The following MICAL2 variants were observed in gnomAD, a reference collection of about 807,000 sequenced individuals.
MICAL2 encodes [F-actin]-monooxygenase MICAL2.
MICAL2 carries 77 observed loss-of-function variants against 127.3 expected under a neutral mutation model. That is an observed-to-expected ratio of 0.60 (90% CI 0.50 to 0.73). MICAL2 has a LOEUF of 0.73. MICAL2 is among the 30% of genes least tolerant of loss of function. MICAL2 has a pLI of 0.00. For missense variants in MICAL2, 1,351 were observed against 1,434.4 expected (o/e 0.94, Z 0.94); for synonymous variants, 570 against 551.1 (o/e 1.03, Z -0.48).
rs116597315 is a variant in MICAL2, at chr11:12,203,388, A to G, written c.265-862A>G. Among the ~76,000 whole-genome samples, 421 of 152,328 alleles carry G rather than the reference A, an allele frequency of 2.8e-3. 3 individuals carry two copies. The highest frequency in any genetic ancestry group is 9.9e-3 in the African/African-American group (410 of 41,572). On this transcript the variant is annotated intron_variant, in intron 3 of 27. Coordinates refer to ENST00000683283, the MANE Select transcript of MICAL2 (RefSeq NM_001282663.2). ...CAATTTATTTTCCCACCAGCAATGT[A>G]TGAGGGTTTCAATTTTTCCATATCC...
chr11:12,255,396 A>G, intron 22 of MICAL2: 1 of 499,632 alleles, frequency 2.0e-6, no homozygotes, highest in Non-Finnish European at 3.6e-6. Flanking sequence ...TACTCTAGGT[A>G]CCACATATAA....
At chr11:12,173,347 G>C (rs1362461432) in intron 3 of MICAL2, among the ~76,000 whole-genome samples, 1 of 152,216 alleles carries the variant, frequency 6.6e-6, no homozygotes, top group African/African-American at 2.4e-5. Context: ...TATATAGGGG[G>C]AGATGTTTTT....
chr11:12,262,535 A>G lies in MICAL2; in HGVS notation c.*15A>G. 1 of 1,611,968 alleles carries G rather than the reference A, an allele frequency of 6.2e-7. No homozygotes were observed. The highest frequency in any genetic ancestry group is 1.1e-5 in the South Asian group (1 of 91,054). ...TTCTTGGCTGACACACTTCTGCTCTAAGGTGACTGGTTTTCTTGCCAATTT... is the reference window on the plus strand; with the variant it reads ...TTCTTGGCTGACACACTTCTGCTCTGAGGTGACTGGTTTTCTTGCCAATTT... On this transcript the variant is annotated splice_region_variant and 3_prime_UTR_variant, in exon 27 of 28. Transcript: ENST00000683283.
intron 1 of MICAL2, chr11:12,276,235 G>T: frequency 2.5e-6 from 1 of 398,656 alleles, no homozygotes. Flanking sequence ...TTTGGGATTG[G>T]GTCTTCTCTC....
At position 12,262,679 on chromosome 11, in the gene MICAL2, G is replaced by T. The variant is rs567504296; in HGVS notation, c.*17+142G>T. Reference sequence around the variant, plus strand: ...GATGGACTCATTTGGTGGCATGGTTGGCTAACAGCATGGCGGGGGGTGTTC... The same window carrying T: ...GATGGACTCATTTGGTGGCATGGTTTGCTAACAGCATGGCGGGGGGTGTTC... On this transcript the variant is annotated intron_variant, in intron 27 of 27. Transcript: ENST00000683283. 1.1e-4 allele frequency: 79 copies of T among 738,758 alleles called. No homozygotes were observed. In the African/African-American group the frequency reaches 1.3e-3, roughly 12 times the overall value. 45.8% of individuals were successfully genotyped at this position (738,758 alleles called of 1,614,324 possible).
At chr11:12,131,729 A>G (rs1851433054) in intron 1 of MICAL2, among the ~76,000 whole-genome samples, 1 of 152,152 alleles carries the variant, frequency 6.6e-6, no homozygotes, top group Non-Finnish European at 1.5e-5. Flanking sequence ...AGGCAGTTGC[A>G]TGGAGGCTGG....
At chr11:12,204,553 C>A in intron 4 of MICAL2, 96 bp downstream of exon 4, 1 of 1,265,770 alleles carries the variant, frequency 7.9e-7, no homozygotes, top group Non-Finnish European at 1.1e-6. Context: ...CTTGTTCCAT[C>A]TTAGTCCCTG....
At chr11:12,291,513 C>T (rs1863900932), downstream of MICAL2, among the ~76,000 whole-genome samples, 1 of 152,200 alleles carries the variant, frequency 6.6e-6, no homozygotes, top group African/African-American at 2.4e-5. Flanking sequence ...CTCTGAGTAG[C>T]CACACTGTAT....
chr11:12,294,618 T>C (rs763554938), downstream of MICAL2: 2 of 1,614,062 alleles, frequency 1.2e-6, no homozygotes, highest in African/African-American at 1.3e-5. Flanking sequence ...AGAATCTCAC[T>C]TTTTTCCTCC....
intron 15 of MICAL2, among the ~76,000 whole-genome samples, chr11:12,231,680 A>C (rs1471981321): frequency 2.0e-5 from 3 of 152,154 alleles, no homozygotes; most frequent in African/African-American, 4.8e-5. Context: ...CACTTCCCCA[A>C]CTTCTCTCAC....
rs764026219 is a variant in MICAL2, at chr11:12,162,221, A to C, written c.66A>C (p.Ala22=). The C allele has an allele frequency of 1.9e-6, 3 of 1,614,238 alleles. 1 individual carries two copies. The highest frequency in any genetic ancestry group is 2.5e-6 in the Non-Finnish European group (3 of 1,180,046). ...AGQVFENFVQ[A]STCKGTLQAF... ...AGGTTTTTGAGAACTTTGTCCAGGC[A>C]TCCACGTGCAAAGGTACCCTCCAGG... Residue 22 remains alanine (A), a synonymous_variant, in exon 3 of 28, where the codon GCA becomes GCC. Coordinates refer to ENST00000683283, the MANE Select transcript of MICAL2 (RefSeq NM_001282663.2).
At chr11:12,321,908 A>G (rs1032611050) in intron 30 of MICAL2, among the ~76,000 whole-genome samples, 3 of 151,936 alleles carry the variant, frequency 2.0e-5, no homozygotes, top group African/African-American at 7.3e-5. Flanking sequence ...TAGTCCCACT[A>G]TGGAAAAGTA....
chr11:12,282,842 C>T (rs535051730), intron 2 of MICAL2, among the ~76,000 whole-genome samples: 2 of 152,228 alleles, frequency 1.3e-5, no homozygotes, highest in Admixed American at 6.5e-5. Flanking sequence ...TTAGTATTCT[C>T]GAGGCTGTTT....
intron 3 of MICAL2, among the ~76,000 whole-genome samples, chr11:12,203,959 C>A (rs10430877): frequency 0.2 from 30,659 of 152,130 alleles, 6,006 homozygotes; most frequent in African/African-American, 0.49. Context: ...GCTGGGACTT[C>A]AACCCAGTTC....
At chr11:12,261,246 G>A in intron 26 of MICAL2, 1 of 985,530 alleles carries the variant, frequency 1.0e-6, no homozygotes, top group Non-Finnish European at 1.2e-6. Context: ...CACATATGTG[G>A]TCAAAACAGA....
At chr11:12,164,774 G>T (rs1855270760) in intron 3 of MICAL2, among the ~76,000 whole-genome samples, 2 of 152,230 alleles carry the variant, frequency 1.3e-5, no homozygotes, top group Admixed American at 1.3e-4. Context: ...GCCCTTTCAA[G>T]CATCACATGA....
intron 31 of MICAL2, among the ~76,000 whole-genome samples, chr11:12,325,535 A>G (rs1864345032): frequency 6.6e-6 from 1 of 152,228 alleles, no homozygotes; most frequent in African/African-American, 2.4e-5. Flanking sequence ...TGAGAAGTCC[A>G]AGATCAAGGT....
chr11:12,339,910 G>A (rs960580800), intron 32 of MICAL2, among the ~76,000 whole-genome samples: 2 of 152,204 alleles, frequency 1.3e-5, no homozygotes, highest in Admixed American at 6.5e-5. Context: ...CACTTGAGGA[G>A]GCAGTCTGCC....
intron 3 of MICAL2, among the ~76,000 whole-genome samples, chr11:12,176,269 C>T (rs1414615914): frequency 1.3e-5 from 2 of 152,158 alleles, no homozygotes; most frequent in African/African-American, 4.8e-5. Flanking sequence ...ATACCCATGA[C>T]ACTTAACACT....
Sources: gnomAD v4.1 joint callset for allele counts (sites outside exome capture counted in the v4.1 genomes callset) on GRCh38, gnomAD v4.1.1 for gene constraint, MANE v1.5 for transcripts, NCBI Gene and HGNC (gene_info 2026-07-23, HGNC 2026-07-21) for gene names.